Variants in DLG2 observed in about 807,000 individuals in gnomAD.
DLG2 encodes disks large homolog 2.
In DLG2, 45 loss-of-function variants were observed where a neutral mutation model predicts 132.5. The ratio of observed to expected loss-of-function variants is 0.34; its 90% CI spans 0.27 to 0.44. The LOEUF (loss-of-function observed/expected upper bound fraction) is 0.44, where lower values mean the gene tolerates loss of function less well. Among genes scored for constraint, DLG2 ranks in the 20% least tolerant of loss-of-function variants. The probability of loss-of-function intolerance (pLI) is 1.00; values close to 1 mark genes in which losing one functional copy is unlikely to be tolerated. For missense variants in DLG2, 1,045 were observed against 1,196.9 expected, an observed-to-expected ratio of 0.87 and a Z score of 1.87; for synonymous variants, 424 against 419.6, an observed-to-expected ratio of 1.01 and a Z score of -0.13.
intron 6 of DLG2, among the ~76,000 whole-genome samples, chr11:84,862,862 A>G (rs540546010): frequency 3.8e-4 from 57 of 150,830 alleles, no homozygotes; most frequent in Non-Finnish European, 6.8e-4. Context: ...CATTAGGAGA[A>G]ATACCTAATG....
intron 18 of DLG2, among the ~76,000 whole-genome samples, chr11:83,773,262 T>C (rs542726190): frequency 1.3e-5 from 2 of 152,332 alleles, no homozygotes; most frequent in East Asian, 1.9e-4. Context: ...CTCTTATCTA[T>C]GAAATTACAA....
chr11:84,723,072 C>G (rs1020785930), intron 6 of DLG2, among the ~76,000 whole-genome samples: 1 of 152,180 alleles, frequency 6.6e-6, no homozygotes, highest in Non-Finnish European at 1.5e-5. Flanking sequence ...CTCCCACCTA[C>G]AGAGCATCTA....
rs115424243 is a variant in DLG2, at chr11:83,715,487, T to C, written c.1825+71203A>G. ...CTAAAGAGGCAAGAGAGCAGCCAGC[T>C]GAGGCCTATACCTGACATTTCCACC... On this transcript the variant is annotated intron_variant, in intron 18 of 27. Coordinates refer to ENST00000376104, the MANE Select transcript of DLG2 (RefSeq NM_001142699.3). Among the ~76,000 whole-genome samples the C allele has an allele frequency of 6.0e-3, 911 of 152,328 alleles. 7 individuals are homozygous for C. Among genetic ancestry groups the C allele is most frequent in the African/African-American group, 0.02 (842 of 41,578 alleles).
At chr11:83,636,793 G>C (rs1322288381) in intron 18 of DLG2, among the ~76,000 whole-genome samples, 1 of 151,934 alleles carries the variant, frequency 6.6e-6, no homozygotes, top group African/African-American at 2.4e-5. Context: ...GAAATGTTTT[G>C]ACTGCATGAC....
chr11:84,871,778 A>G (rs2085500143), intron 6 of DLG2, among the ~76,000 whole-genome samples: 1 of 152,016 alleles, frequency 6.6e-6, no homozygotes, highest in Admixed American at 6.5e-5. Context: ...CCTGGAGTGC[A>G]GTACCACGAT....
At chr11:85,004,237 T>C (rs966881121) in intron 6 of DLG2, among the ~76,000 whole-genome samples, 1 of 152,220 alleles carries the variant, frequency 6.6e-6, no homozygotes, top group South Asian at 2.1e-4. Context: ...ATATACCCAG[T>C]AATGGGATTG....
At chr11:85,410,532 A>C (rs1341560296) in intron 3 of DLG2, among the ~76,000 whole-genome samples, 1 of 151,824 alleles carries the variant, frequency 6.6e-6, no homozygotes, top group Non-Finnish European at 1.5e-5. Flanking sequence ...AATTGTAATG[A>C]ATGTACAAAT....
chr11:84,688,924 A>C (rs2057687052), intron 6 of DLG2, among the ~76,000 whole-genome samples: 1 of 152,136 alleles, frequency 6.6e-6, no homozygotes, highest in Admixed American at 6.5e-5. Flanking sequence ...GCATATACTT[A>C]GTTAGCTACA....
At chr11:83,985,755 CATTG>C (rs2093231692) in intron 11 of DLG2, among the ~76,000 whole-genome samples, 1 of 152,062 alleles carries the variant, frequency 6.6e-6, no homozygotes, top group African/African-American at 2.4e-5. Flanking sequence ...TCCAGTCTAT[CATTG>C]ATTGGCATTT....
chr11:83,627,837 A>G (rs894605583), intron 19 of DLG2, among the ~76,000 whole-genome samples: 5 of 152,208 alleles, frequency 3.3e-5, no homozygotes, highest in Non-Finnish European at 7.3e-5. Flanking sequence ...CCAACAGTGT[A>G]AAAGTGTTCA....
chr11:83,950,232 C>A (rs538913083), intron 14 of DLG2, among the ~76,000 whole-genome samples: 2 of 152,268 alleles, frequency 1.3e-5, no homozygotes, highest in South Asian at 4.1e-4. Context: ...CTTATGAATT[C>A]TAAGAAGTAT....
intron 6 of DLG2, among the ~76,000 whole-genome samples, chr11:84,915,165 T>A (rs11234241): frequency 0.26 from 38,930 of 152,102 alleles, 6,055 homozygotes; most frequent in South Asian, 0.46. Context: ...TTACAGTGTT[T>A]TTCAAATTAT....
chr11:83,849,808 T>C (rs912922479), intron 16 of DLG2, among the ~76,000 whole-genome samples: 2 of 152,002 alleles, frequency 1.3e-5, no homozygotes, highest in Non-Finnish European at 2.9e-5. Context: ...GCGAATTTCT[T>C]ATTTACCCAG....
intron 6 of DLG2, among the ~76,000 whole-genome samples, chr11:84,808,761 T>C (rs150052268): frequency 6.6e-6 from 1 of 152,082 alleles, no homozygotes; most frequent in East Asian, 1.9e-4. Flanking sequence ...CAATATGTGA[T>C]AGATAATATA....
At chr11:84,160,296 G>A (rs1369129309) in intron 9 of DLG2, among the ~76,000 whole-genome samples, 1 of 152,086 alleles carries the variant, frequency 6.6e-6, no homozygotes, top group East Asian at 1.9e-4. Context: ...CCATTGAGGT[G>A]GTAAAAGAAC....
intron 7 of DLG2, among the ~76,000 whole-genome samples, chr11:84,436,313 G>A (rs1011117413): frequency 2.6e-5 from 4 of 152,102 alleles, no homozygotes; most frequent in Admixed American, 6.6e-5. Context: ...AAAAAAATTC[G>A]TATCTTGGTT....
intron 6 of DLG2, among the ~76,000 whole-genome samples, chr11:84,914,979 G>A (rs2092363233): frequency 6.6e-6 from 1 of 152,156 alleles, no homozygotes; most frequent in Non-Finnish European, 1.5e-5. Context: ...CCAGGGACAG[G>A]GAAGTAAGCA....
At chr11:84,793,870 T>C (rs1347261254) in intron 6 of DLG2, among the ~76,000 whole-genome samples, 3 of 152,232 alleles carry the variant, frequency 2.0e-5, no homozygotes, top group Admixed American at 2.0e-4. Flanking sequence ...GTCTTTTCAT[T>C]GGAAAGCTTA....
chr11:83,610,019 C>A (rs940526716), intron 19 of DLG2, among the ~76,000 whole-genome samples: 3 of 152,086 alleles, frequency 2.0e-5, no homozygotes, highest in African/African-American at 7.2e-5. Flanking sequence ...GACAGTGTAA[C>A]CCCAGGGTCT....
Sources: allele counts gnomAD v4.1 joint callset (sites outside exome capture counted in the v4.1 genomes callset), GRCh38; gene constraint gnomAD v4.1.1; transcripts MANE v1.5; gene names NCBI Gene and HGNC (gene_info 2026-07-23, HGNC 2026-07-21).